HLCS: variants seen among roughly 807,000 people sequenced by gnomAD.
The protein encoded by HLCS is holocarboxylase synthetase, also known as biotin--protein ligase.
A neutral mutation model predicts 75.0 loss-of-function variants in HLCS; 53 were observed. That is an observed-to-expected ratio of 0.71 (90% CI 0.57 to 0.89). The LOEUF (loss-of-function observed/expected upper bound fraction) is 0.89. Among genes scored for constraint, HLCS ranks in the 40% least tolerant of loss-of-function variants. The pLI is 0.00. For synonymous variants in HLCS, 431 were observed against 428.6 expected (o/e 1.01, Z -0.07); for missense variants, 966 against 1,074.0 (o/e 0.90, Z 1.41).
At chr21:36,760,565 G>C (rs560884007) in intron 8 of HLCS, among the ~76,000 whole-genome samples, 1 of 151,250 alleles carries the variant, frequency 6.6e-6, no homozygotes, top group Non-Finnish European at 1.5e-5. Context: ...AGCCGAGATC[G>C]TGCCACTGCA....
At position 36,803,305 on chromosome 21, in the gene HLCS, T is replaced by TAA. The variant is rs146992268; in HGVS notation, c.1893-36021_1893-36020insTT. 4.8e-3 allele frequency among the ~76,000 whole-genome samples: 724 copies of TAA among 152,352 alleles called. 8 individuals carry two copies. Among genetic ancestry groups the TAA allele is most frequent in the African/African-American group, 0.017 (704 of 41,574 alleles). ...GCAGGGAGGACAAAACGTCCCCAGC[T>TAA]TCCTTCTCCATGGTCTCTGCCTAGA... On this transcript the variant is annotated intron_variant, in intron 6 of 10. Transcript: ENST00000674895.
At chr21:36,970,789 G>A (rs555592301), upstream of HLCS, among the ~76,000 whole-genome samples, 53 of 152,088 alleles carry the variant, frequency 3.5e-4, no homozygotes, top group African/African-American at 1.2e-3. Flanking sequence ...TCAGGAGATC[G>A]AGACCATCCT....
At chr21:36,951,195 T>C (rs115825387) in intron 2 of HLCS, among the ~76,000 whole-genome samples, 1 of 152,360 alleles carries the variant, frequency 6.6e-6, no homozygotes, top group African/African-American at 2.4e-5. Context: ...AATAGGCTGC[T>C]TGGCCATGTT....
At position 36,761,467 on chromosome 21, in the gene HLCS, G is replaced by A. The variant is rs144557983; in HGVS notation, c.2122-1626C>T. The stretch of plus-strand genomic sequence containing the variant: ...TCTAAGTAAACCAAGCATGGGGGGT[G>A]CGCAATGACCCAGAACTGATCAACA... On this transcript the variant is annotated intron_variant, in intron 8 of 10. Transcript: ENST00000674895. Among the ~76,000 whole-genome samples, 1,087 of 152,210 alleles carry A rather than the reference G, an allele frequency of 7.1e-3. 20 individuals are homozygous for A. The highest frequency in any genetic ancestry group is 0.025 in the African/African-American group (1,044 of 41,522).
chr21:36,764,976 T>G (rs748825204), intron 8 of HLCS, 36 bp downstream of exon 8: 2 of 1,609,932 alleles, frequency 1.2e-6, no homozygotes, highest in South Asian at 2.2e-5. Flanking sequence ...TCTGCATGCA[T>G]CCCAGGGACA....
intron 5 of HLCS, among the ~76,000 whole-genome samples, chr21:36,926,561 CAAAT>C (rs1273799802): frequency 2.6e-5 from 4 of 152,010 alleles, no homozygotes; most frequent in South Asian, 2.1e-4. Context: ...TAACTCATAA[CAAAT>C]AACCAATTTG....
intron 6 of HLCS, among the ~76,000 whole-genome samples, chr21:36,777,176 GCCA>G (rs1285029036): frequency 6.6e-6 from 1 of 152,038 alleles, no homozygotes; most frequent in Non-Finnish European, 1.5e-5. Context: ...GCATCTTGTG[GCCA>G]CCATGTCAGC....
chr21:36,891,764 G>T (rs1291888168), intron 6 of HLCS, among the ~76,000 whole-genome samples: 1 of 152,164 alleles, frequency 6.6e-6, no homozygotes, highest in Non-Finnish European at 1.5e-5. Flanking sequence ...AAGAAAGTGG[G>T]AAAGAATACA....
At chr21:36,772,284 AAAG>A (rs1201738081) in intron 6 of HLCS, among the ~76,000 whole-genome samples, 8 of 152,130 alleles carry the variant, frequency 5.3e-5, no homozygotes, top group African/African-American at 1.7e-4. Flanking sequence ...AAAAAGTGAA[AAAG>A]AAGGTTAAAA....
intron 6 of HLCS, among the ~76,000 whole-genome samples, chr21:36,855,369 A>G (rs2063151548): frequency 1.5e-5 from 2 of 130,296 alleles, no homozygotes; most frequent in East Asian, 2.1e-4. Context: ...TGTGTCTACT[A>G]AAAATAAAAA....
chr21:36,923,836 G>A (rs558075141), intron 5 of HLCS, among the ~76,000 whole-genome samples: 7 of 152,164 alleles, frequency 4.6e-5, no homozygotes, highest in Non-Finnish European at 1.0e-4. Flanking sequence ...ATAACAGGAA[G>A]TCAGTCAAAA....
intron 5 of HLCS, among the ~76,000 whole-genome samples, chr21:36,897,843 C>T (rs771083320): frequency 3.9e-5 from 6 of 152,144 alleles, no homozygotes; most frequent in East Asian, 1.9e-4. Flanking sequence ...GGTTCCCCCA[C>T]GCCAGACCTT....
rs185647703 is a variant in HLCS at position 36,902,163 on chromosome 21, C to G, written c.1621-5032G>C. On this transcript the variant is annotated intron_variant, in intron 5 of 10. Transcript: ENST00000674895. ...GATGGGAGTAGTGAAAAGAGAAAAA[C>G]TGCAGACTCCAGGATAAAACTCTGG... Among the ~76,000 whole-genome samples, 91 of 152,254 alleles carry G rather than the reference C, an allele frequency of 6.0e-4. 2 individuals are homozygous for G. Among genetic ancestry groups the G allele is most frequent in the East Asian group, 3.9e-4 (2 of 5,184 alleles).
Position 36,842,863 on chromosome 21 carries a change from G to A in HLCS, c.1892+53997C>T, listed in dbSNP as rs1214035277. On this transcript the variant is annotated intron_variant, in intron 6 of 10. Coordinates refer to ENST00000674895, the MANE Select transcript of HLCS (RefSeq NM_001352514.2). The surrounding 1 kb of genome is among the most constrained non-coding windows in gnomAD (Gnocchi z 4.2). ...GCCCTGAAAAATTCTGCAGACCTAC[G>A]TCAGCCTAACCAGCAGGATGAGGGG... Among the ~76,000 whole-genome samples, 1 of 152,156 alleles carries A rather than the reference G, an allele frequency of 6.6e-6. No individual in the cohort carries two copies. The highest frequency in any genetic ancestry group is 1.5e-5 in the Non-Finnish European group (1 of 68,024).
intron 2 of HLCS, among the ~76,000 whole-genome samples, chr21:36,950,527 T>C (rs143072142): frequency 8.4e-4 from 127 of 151,906 alleles, no homozygotes; most frequent in African/African-American, 2.7e-3. Flanking sequence ...TAGAGTTCAA[T>C]AGCGCAATCA....
intron 6 of HLCS, among the ~76,000 whole-genome samples, chr21:36,779,970 A>G (rs2145831845): frequency 6.6e-6 from 1 of 152,220 alleles, no homozygotes; most frequent in South Asian, 2.1e-4. Context: ...TCAAAATCTC[A>G]TTCATTTCTG....
intron 1 of HLCS, among the ~76,000 whole-genome samples, chr21:36,963,296 A>C: frequency 6.6e-6 from 1 of 152,238 alleles, no homozygotes; most frequent in Non-Finnish European, 1.5e-5. Context: ...CGGGGTATGC[A>C]GGAGGCTTTC....
At chr21:36,844,784 C>G (rs751979926) in intron 6 of HLCS, among the ~76,000 whole-genome samples, 38 of 151,598 alleles carry the variant, frequency 2.5e-4, no homozygotes, top group Non-Finnish European at 4.7e-4. Context: ...TAAGGGTCGA[C>G]TTTAATACCG....
intron 5 of HLCS, among the ~76,000 whole-genome samples, chr21:36,924,680 G>A (rs2066324647): frequency 6.6e-6 from 1 of 152,170 alleles, no homozygotes; most frequent in Non-Finnish European, 1.5e-5. Flanking sequence ...GGGTCACTAT[G>A]AGACCCAAAT....
Sources: allele counts gnomAD v4.1 joint callset (sites outside exome capture counted in the v4.1 genomes callset), GRCh38; gene constraint gnomAD v4.1.1; non-coding constraint Gnocchi (gnomAD v3.1); transcripts MANE v1.5; gene names NCBI Gene and HGNC (gene_info 2026-07-23, HGNC 2026-07-21).